VGLL4: variants seen among roughly 807,000 people sequenced by gnomAD.
VGLL4 encodes vestigial like family member 4.
In VGLL4, 7 loss-of-function variants were observed where a neutral mutation model predicts 21.0. The observed-to-expected ratio is 0.33, with a 90% CI of 0.19 to 0.63. The LOEUF (loss-of-function observed/expected upper bound fraction) is 0.63. VGLL4 is among the 20% of genes least tolerant of loss of function. The probability of loss-of-function intolerance (pLI) is 0.78; values close to 1 mark genes in which losing one functional copy is unlikely to be tolerated. For synonymous variants in VGLL4, 222 were observed against 173.2 expected (o/e 1.28, Z -2.21); for missense variants, 394 against 425.7 (o/e 0.93, Z 0.66).
chr3:11,575,857 T>C (rs2074026546), intron 2 of VGLL4, among the ~76,000 whole-genome samples: 1 of 152,200 alleles, frequency 6.6e-6, no homozygotes, highest in South Asian at 2.1e-4. Flanking sequence ...GAGACCCTCT[T>C]TGCTTGGCAA....
At chr3:11,566,204 A>G (rs576303234) in intron 2 of VGLL4, among the ~76,000 whole-genome samples, 1 of 152,186 alleles carries the variant, frequency 6.6e-6, no homozygotes, top group East Asian at 1.9e-4. Flanking sequence ...TGTTACACAC[A>G]CACTGAATGT....
At chr3:11,647,528 T>C (rs969876361), upstream of VGLL4, among the ~76,000 whole-genome samples, 8 of 152,214 alleles carry the variant, frequency 5.3e-5, no homozygotes, top group Non-Finnish European at 1.0e-4. Flanking sequence ...TACTTACCAG[T>C]TGAGCATCTC....
intron 2 of VGLL4, chr3:11,702,731 C>CAAAAAAAAAAAAACAAAAAAA (rs2076700038): frequency 7.7e-6 from 1 of 129,990 alleles, no homozygotes; most frequent in Non-Finnish European, 1.5e-5. Context: ...GATCCCATCT[C>CAAAAAAAAAAAAACAAAAAAA]AAAAAAAAAA....
At chr3:11,696,959 TCTCAAACTCCTGGG>T (rs1361924895) in intron 2 of VGLL4, among the ~76,000 whole-genome samples, 1 of 152,168 alleles carries the variant, frequency 6.6e-6, no homozygotes, top group Non-Finnish European at 1.5e-5. Context: ...CCTACGCTGG[TCTCAAACTCCTGGG>T]CTCAAGTGAC....
intron 1 of VGLL4, among the ~76,000 whole-genome samples, chr3:11,630,929 G>A (rs1389495706): frequency 6.6e-6 from 1 of 151,694 alleles, no homozygotes; most frequent in African/African-American, 2.4e-5. Context: ...TATATACTTG[G>A]CCACAGAATA....
chr3:11,643,408 G>C, intron 1 of VGLL4, 29 bp downstream of exon 1: 12 of 1,613,920 alleles, frequency 7.4e-6, no homozygotes, highest in Non-Finnish European at 9.3e-6. Context: ...GACGAGCAAC[G>C]GGCAGTAATT....
At chr3:11,636,778 T>A (rs751290350) in intron 1 of VGLL4, among the ~76,000 whole-genome samples, 1 of 152,192 alleles carries the variant, frequency 6.6e-6, no homozygotes, top group African/African-American at 2.4e-5. Flanking sequence ...CAACAGGTGA[T>A]GAAGAATGTG....
chr3:11,689,016 A>G (rs2076488522), intron 2 of VGLL4, among the ~76,000 whole-genome samples: 1 of 151,908 alleles, frequency 6.6e-6, no homozygotes, highest in Admixed American at 6.6e-5. Flanking sequence ...GTGAGACTCC[A>G]TCTCAAAAAA....
intron 2 of VGLL4, among the ~76,000 whole-genome samples, chr3:11,651,218 C>A (rs1363405817): frequency 6.6e-6 from 1 of 151,694 alleles, no homozygotes; most frequent in Admixed American, 6.6e-5. Flanking sequence ...TGGCAGGTGC[C>A]TATAATCCCA....
chr3:11,621,714 A>G (rs916882131), intron 1 of VGLL4, among the ~76,000 whole-genome samples: 6 of 152,164 alleles, frequency 3.9e-5, no homozygotes, highest in Admixed American at 6.5e-5. Flanking sequence ...TGGTAACTCT[A>G]TGTTTAACAT....
At chr3:11,587,750 T>G (rs1164619179) in intron 2 of VGLL4, among the ~76,000 whole-genome samples, 1 of 152,238 alleles carries the variant, frequency 6.6e-6, no homozygotes. Context: ...TTCCTCACTT[T>G]CATATACCTC....
exon 1 of VGLL4, chr3:11,720,396 G>A: frequency 6.6e-6 from 1 of 152,496 alleles, no homozygotes; most frequent in Non-Finnish European, 1.5e-5. Flanking sequence ...CCACGCACCT[G>A]AAGGGACAGG....
chr3:11,659,521 G>A (rs1358741662), intron 2 of VGLL4, among the ~76,000 whole-genome samples: 6 of 151,236 alleles, frequency 4.0e-5, no homozygotes, highest in African/African-American at 1.2e-4. Flanking sequence ...CAGTAGAGAC[G>A]GGGTTTCTCC....
At chr3:11,712,822 C>T (rs575139466) in intron 1 of VGLL4, among the ~76,000 whole-genome samples, 7 of 152,272 alleles carry the variant, frequency 4.6e-5, no homozygotes, top group African/African-American at 1.7e-4. Context: ...ATAATGTGAC[C>T]GTTTCAACAG....
chr3:11,575,766 G>A (rs776582039), intron 2 of VGLL4, among the ~76,000 whole-genome samples: 1 of 152,226 alleles, frequency 6.6e-6, no homozygotes, highest in Non-Finnish European at 1.5e-5. Flanking sequence ...GCTAGAATGA[G>A]GCGTAAAGTC....
At chr3:11,608,455 G>A (rs996082028) in intron 1 of VGLL4, among the ~76,000 whole-genome samples, 1 of 152,134 alleles carries the variant, frequency 6.6e-6, no homozygotes, top group Non-Finnish European at 1.5e-5. Flanking sequence ...AAGAAGATAA[G>A]CAAAGATTTT....
At chr3:11,690,085 G>C (rs894556619) in intron 2 of VGLL4, among the ~76,000 whole-genome samples, 16 of 151,882 alleles carry the variant, frequency 1.1e-4, no homozygotes, top group African/African-American at 3.6e-4. Flanking sequence ...GTAATGCTTC[G>C]ATTTCCTAAA....
intron 1 of VGLL4, among the ~76,000 whole-genome samples, chr3:11,631,034 C>T (rs1172320466): frequency 6.6e-6 from 1 of 152,188 alleles, no homozygotes; most frequent in East Asian, 1.9e-4. Context: ...TTGTGGTATA[C>T]GCATAAGACG....
chr3:11,673,026 G>C (rs1347374108), intron 2 of VGLL4, among the ~76,000 whole-genome samples: 1 of 152,210 alleles, frequency 6.6e-6, no homozygotes, highest in Non-Finnish European at 1.5e-5. Flanking sequence ...CCACCGGACT[G>C]GGGGTTCCAC....
Sources: gnomAD v4.1 joint callset for allele counts (sites outside exome capture counted in the v4.1 genomes callset) on GRCh38, gnomAD v4.1.1 for gene constraint, MANE v1.5 for transcripts, NCBI Gene and HGNC (gene_info 2026-07-23, HGNC 2026-07-21) for gene names.